The following CCDC187 variants were observed in gnomAD, a reference collection of about 807,000 sequenced individuals.
CCDC187 encodes coiled-coil domain-containing protein 187.
A neutral mutation model predicts 38.0 loss-of-function variants in CCDC187; 32 were observed. That is an observed-to-expected ratio of 0.84 (90% CI 0.64 to 1.13). CCDC187 has a LOEUF of 1.13. CCDC187 is among the 50% of genes most tolerant of loss of function. CCDC187 has a pLI of 0.00. For synonymous variants in CCDC187, 333 were observed against 347.9 expected (o/e 0.96, Z 0.48); for missense variants, 707 against 786.8 (o/e 0.90, Z 1.21).
intron 10 of CCDC187, among the ~76,000 whole-genome samples, chr9:136,276,937 C>T (rs1357786280): frequency 3.3e-5 from 5 of 152,048 alleles, no homozygotes; most frequent in African/African-American, 1.2e-4. Flanking sequence ...CCCTGCATGT[C>T]GAGGAAGGGC....
At chr9:136,278,956 C>A (rs1830984974) in intron 10 of CCDC187, among the ~76,000 whole-genome samples, 1 of 152,212 alleles carries the variant, frequency 6.6e-6, no homozygotes, top group Admixed American at 6.5e-5. Context: ...GTGTGGTGTA[C>A]CTGTTTAAGT....
intron 14 of CCDC187, among the ~76,000 whole-genome samples, chr9:136,270,323 G>A (rs1830819461): frequency 6.6e-6 from 1 of 152,196 alleles, no homozygotes; most frequent in African/African-American, 2.4e-5. Context: ...ACAAGACAAC[G>A]GGGCAGGGTA....
At chr9:136,275,415 G>A (rs1015959159) in intron 12 of CCDC187, among the ~76,000 whole-genome samples, 35 of 152,032 alleles carry the variant, frequency 2.3e-4, no homozygotes, top group African/African-American at 8.0e-4. Context: ...TGTTGCTGTC[G>A]GTCTGAGGCT....
chr9:136,254,411 G>A lies in CCDC187; in HGVS notation c.5417C>T (p.Pro1806Leu), dbSNP rs1267597033. Residue 1806 changes from proline to leucine, a missense_variant, in exon 26 of 26, where the codon CCA becomes CTA. Transcript: ENST00000638797. ...AGCTTCCCGCCCCTCCCCGGACCGT[G>A]GGGAGGGAGGAGCCACCTGGGGCTC... Reference protein sequence around the residue: ...GVEPQVAPPSPRSGEGREASG... With the variant: ...GVEPQVAPPSLRSGEGREASG... 39 of 984,912 alleles carry A rather than the reference G, an allele frequency of 4.0e-5. 1 individual carries two copies. Among genetic ancestry groups the A allele is most frequent in the South Asian group, 9.4e-5 (2 of 21,286 alleles). 61.0% of individuals were successfully genotyped at this position (984,912 alleles called of 1,614,324 possible).
chr9:136,293,905 C>T (rs1245187653), intron 4 of CCDC187, among the ~76,000 whole-genome samples: 1 of 151,642 alleles, frequency 6.6e-6, no homozygotes, highest in East Asian at 1.9e-4. Context: ...ACCACACACA[C>T]TCATACACTC....
At chr9:136,255,440 G>A (rs1375718240) in intron 25 of CCDC187, among the ~76,000 whole-genome samples, 1 of 152,206 alleles carries the variant, frequency 6.6e-6, no homozygotes, top group Non-Finnish European at 1.5e-5. Flanking sequence ...TTTCATTAGG[G>A]ATGTGGGTGG....
chr9:136,298,009 G>C (rs1831577908), intron 3 of CCDC187, among the ~76,000 whole-genome samples, 188 bp from the exon 4 acceptor site: 1 of 152,222 alleles, frequency 6.6e-6, no homozygotes, highest in South Asian at 2.1e-4. Flanking sequence ...GCCACAGTCT[G>C]ACTGTCACGT....
chr9:136,299,941 C>G (rs1325326394), intron 3 of CCDC187, among the ~76,000 whole-genome samples: 11 of 152,188 alleles, frequency 7.2e-5, no homozygotes, highest in Non-Finnish European at 1.5e-5. Context: ...GATCTCTCAG[C>G]AAAAACAAAC....
chr9:136,259,131 C>T, intron 21 of CCDC187, 130 bp from the exon 22 acceptor site: 2 of 749,776 alleles, frequency 2.7e-6, no homozygotes, highest in Non-Finnish European at 3.2e-6. Flanking sequence ...CGGGGGCGGA[C>T]AGGGACAGAT....
intron 10 of CCDC187, among the ~76,000 whole-genome samples, chr9:136,280,765 C>T (rs915585003): frequency 9.2e-5 from 14 of 152,192 alleles, no homozygotes; most frequent in Non-Finnish European, 1.6e-4. Flanking sequence ...CCTGGGGCTC[C>T]GCCCACTCCC....
In CCDC187 at chr9:136,250,687, A is replaced by C; in HGVS notation, c.*2907T>G. ...TTCCCCACTGGATCCAAACATCTGCATTCTCAGGTGGGCTGGGCAGGAGCT... is the reference window on the plus strand; with the variant it reads ...TTCCCCACTGGATCCAAACATCTGCCTTCTCAGGTGGGCTGGGCAGGAGCT... On this transcript the variant is annotated 3_prime_UTR_variant, in exon 26 of 26. Coordinates refer to ENST00000638797, the MANE Select transcript of CCDC187 (RefSeq NM_001378188.1). 2 of 454,554 alleles carry C rather than the reference A, an allele frequency of 4.4e-6. No homozygotes were observed. The highest frequency in any genetic ancestry group is 8.9e-6 in the Non-Finnish European group (2 of 225,726). The allele number at this position is 454,554 out of a possible 1,614,324, so 28.2% of individuals were successfully genotyped here.
chr9:136,277,334 G>C (rs1356959550), intron 10 of CCDC187, among the ~76,000 whole-genome samples: 2 of 124,302 alleles, frequency 1.6e-5, no homozygotes, highest in Non-Finnish European at 3.4e-5. Flanking sequence ...GGTGCTGATG[G>C]GGTGGGTGGG....
intron 4 of CCDC187, chr9:136,296,342 C>T (rs1218441777): frequency 6.6e-6 from 1 of 152,226 alleles, no homozygotes; most frequent in Non-Finnish European, 1.5e-5. Flanking sequence ...CTCCAAAACG[C>T]TGTGGTTCGG....
At chr9:136,278,317 C>T (rs2131230229) in intron 10 of CCDC187, among the ~76,000 whole-genome samples, 1 of 152,292 alleles carries the variant, frequency 6.6e-6, no homozygotes, top group South Asian at 2.1e-4. Flanking sequence ...GAGGGGGAGT[C>T]CTGGTCATCA....
chr9:136,271,856 C>T (rs947833004), intron 14 of CCDC187, among the ~76,000 whole-genome samples: 1 of 152,102 alleles, frequency 6.6e-6, no homozygotes, highest in Non-Finnish European at 1.5e-5. Context: ...ATCCACCTGC[C>T]TGGGCCTCCC....
intron 7 of CCDC187, among the ~76,000 whole-genome samples, chr9:136,288,419 G>A (rs1389718218): frequency 1.3e-5 from 2 of 152,198 alleles, no homozygotes; most frequent in Admixed American, 1.3e-4. Context: ...GATACGCCAG[G>A]GGCAGCCCTG....
At chr9:136,272,626 C>G (rs1830858848) in intron 14 of CCDC187, among the ~76,000 whole-genome samples, 1 of 151,908 alleles carries the variant, frequency 6.6e-6, no homozygotes, top group Non-Finnish European at 1.5e-5. Flanking sequence ...TCGCTTGAAC[C>G]TGCAAGGTGG....
intron 7 of CCDC187, among the ~76,000 whole-genome samples, chr9:136,287,644 T>C (rs1009135136): frequency 4.6e-5 from 7 of 152,158 alleles, no homozygotes; most frequent in Non-Finnish European, 7.3e-5. Context: ...ACTCATTGTC[T>C]CCGCGATTGG....
chr9:136,270,425 C>G (rs1243218402), intron 14 of CCDC187, among the ~76,000 whole-genome samples: 3 of 152,124 alleles, frequency 2.0e-5, no homozygotes, highest in Non-Finnish European at 4.4e-5. Context: ...TTTAGGTAGC[C>G]GAAGCAGAGA....
Sources: gnomAD v4.1 joint callset for allele counts (sites outside exome capture counted in the v4.1 genomes callset) on GRCh38, gnomAD v4.1.1 for gene constraint, MANE v1.5 for transcripts, NCBI Gene and HGNC (gene_info 2026-07-23, HGNC 2026-07-21) for gene names.